PKHD1: variants seen among roughly 807,000 people sequenced by gnomAD.
PKHD1 encodes the protein fibrocystin.
In PKHD1, 291 loss-of-function variants were observed where a neutral mutation model predicts 412.0. The ratio of observed to expected loss-of-function variants is 0.71; its 90% CI spans 0.64 to 0.78. The LOEUF (loss-of-function observed/expected upper bound fraction) is 0.78. Among genes scored for constraint, PKHD1 ranks in the 30% least tolerant of loss-of-function variants. The probability of loss-of-function intolerance (pLI) is 0.00; values close to 1 mark genes in which losing one functional copy is unlikely to be tolerated. For missense variants in PKHD1, 4,825 were observed against 4,950.7 expected, an observed-to-expected ratio of 0.97 and a Z score of 0.76; for synonymous variants, 1,777 against 1,821.5, an observed-to-expected ratio of 0.98 and a Z score of 0.62.
intron 42 of PKHD1, 73 bp downstream of exon 42, chr6:51,903,913 T>G (rs1335021280): frequency 3.0e-6 from 3 of 1,006,266 alleles, no homozygotes; most frequent in Admixed American, 1.9e-5. Flanking sequence ...CATTTTGCCA[T>G]CAGGCTTGTC....
intron 60 of PKHD1, among the ~76,000 whole-genome samples, chr6:51,734,462 C>T (rs1000963000): frequency 6.6e-6 from 1 of 152,152 alleles, no homozygotes; most frequent in African/African-American, 2.4e-5. Context: ...CAAACATTAA[C>T]AAAGCCTATA....
intron 60 of PKHD1, among the ~76,000 whole-genome samples, chr6:51,689,109 G>C (rs571554638): frequency 6.6e-6 from 1 of 152,194 alleles, no homozygotes; most frequent in African/African-American, 2.4e-5. Flanking sequence ...TAAAATACTG[G>C]CAAACCAAAA....
At chr6:52,024,438 T>A (rs966369060) in intron 32 of PKHD1, 136 bp downstream of exon 32, 10 of 820,366 alleles carry the variant, frequency 1.2e-5, no homozygotes, top group Admixed American at 1.8e-5. Context: ...AGGAAGGAAT[T>A]GGGATTGTAA....
chr6:51,853,256 G>A (rs1308663834), intron 49 of PKHD1, among the ~76,000 whole-genome samples: 1 of 152,204 alleles, frequency 6.6e-6, no homozygotes, highest in Non-Finnish European at 1.5e-5. Context: ...CTGGCTTATA[G>A]AGTTTCTCCT....
At chr6:51,704,029 A>C (rs1444609768) in intron 60 of PKHD1, among the ~76,000 whole-genome samples, 1 of 152,018 alleles carries the variant, frequency 6.6e-6, no homozygotes, top group East Asian at 1.9e-4. Flanking sequence ...CCATGCCAAT[A>C]CTGACAGGAG....
intron 66 of PKHD1, among the ~76,000 whole-genome samples, chr6:51,621,421 G>A (rs1321099428): frequency 6.6e-6 from 1 of 152,102 alleles, no homozygotes; most frequent in Admixed American, 6.6e-5. Flanking sequence ...TTAATCCCTT[G>A]GTAAAACCAA....
chr6:52,054,937 C>T (rs528932624), intron 19 of PKHD1, among the ~76,000 whole-genome samples: 25 of 152,318 alleles, frequency 1.6e-4, no homozygotes, highest in East Asian at 9.6e-4. Flanking sequence ...GAAACTACTG[C>T]CATGAGCTCC....
chr6:51,708,516 C>A (rs1344316414), intron 60 of PKHD1, among the ~76,000 whole-genome samples: 1 of 152,120 alleles, frequency 6.6e-6, no homozygotes, highest in Non-Finnish European at 1.5e-5. Flanking sequence ...AGAATCAAGT[C>A]CCAACTCCTT....
chr6:51,906,354 A>G lies in PKHD1; in HGVS notation c.6683-14T>C, dbSNP rs779554646. 7 of 1,607,994 alleles carry G rather than the reference A, an allele frequency of 4.4e-6. No individual in the cohort carries two copies. The South Asian group carries it at 7.7e-5, about 18-fold the overall frequency. ...GTATGAAAGACTCTGAATAGGAAAG[A>G]GTAAAGTAAAAATTAGATATGGCTC... On this transcript the variant is annotated splice_polypyrimidine_tract_variant and intron_variant, in intron 40 of 66. Coordinates refer to ENST00000371117, the MANE Select transcript of PKHD1 (RefSeq NM_138694.4).
intron 14 of PKHD1, among the ~76,000 whole-genome samples, chr6:52,062,197 T>C (rs2128218585): frequency 6.6e-6 from 1 of 152,366 alleles, no homozygotes; most frequent in East Asian, 1.9e-4. Context: ...TTTTACCTCT[T>C]AACCAGGTAC....
intron 60 of PKHD1, among the ~76,000 whole-genome samples, chr6:51,732,387 G>A (rs1783335491): frequency 6.6e-6 from 1 of 152,106 alleles, no homozygotes; most frequent in Admixed American, 6.5e-5. Flanking sequence ...CAAATCATAT[G>A]TCTAGTAAAG....
chr6:51,810,522 A>G (rs1764536073), intron 52 of PKHD1, among the ~76,000 whole-genome samples: 1 of 152,154 alleles, frequency 6.6e-6, no homozygotes, highest in African/African-American at 2.4e-5. Flanking sequence ...TGGGAACCAT[A>G]ATAAGCCTAT....
At chr6:51,742,687 T>C (rs935347481) in intron 60 of PKHD1, among the ~76,000 whole-genome samples, 8 of 151,940 alleles carry the variant, frequency 5.3e-5, no homozygotes, top group Admixed American at 4.6e-4. Flanking sequence ...CAAATACACA[T>C]CAGTGAACAA....
intron 36 of PKHD1, among the ~76,000 whole-genome samples, chr6:51,949,364 G>A (rs1040954846): frequency 2.6e-5 from 4 of 152,180 alleles, no homozygotes; most frequent in African/African-American, 9.7e-5. Context: ...CCTGGGTAAG[G>A]AGAGCTGGCT....
At chr6:52,019,808 C>A (rs1230259353) in intron 33 of PKHD1, among the ~76,000 whole-genome samples, 1 of 152,190 alleles carries the variant, frequency 6.6e-6, no homozygotes, top group East Asian at 1.9e-4. Context: ...TTTCACCTAA[C>A]AGGATGTTTT....
At chr6:51,714,521 T>TATAAGTGG (rs1237601315) in intron 60 of PKHD1, among the ~76,000 whole-genome samples, 1 of 152,204 alleles carries the variant, frequency 6.6e-6, no homozygotes, top group Non-Finnish European at 1.5e-5. Context: ...GCAAGATCAT[T>TATAAGTGG]ATAAGTGGTC....
intron 36 of PKHD1, among the ~76,000 whole-genome samples, chr6:51,956,819 G>A (rs566719183): frequency 6.6e-6 from 1 of 152,022 alleles, no homozygotes; most frequent in Non-Finnish European, 1.5e-5. Flanking sequence ...TACAGGCAAA[G>A]GTCCTGAGGC....
intron 43 of PKHD1, among the ~76,000 whole-genome samples, chr6:51,898,108 G>A (rs1394400142): frequency 6.6e-6 from 1 of 151,530 alleles, no homozygotes; most frequent in Non-Finnish European, 1.5e-5. Flanking sequence ...AGATCAACGA[G>A]ACAGAAAGTC....
intron 1 of PKHD1, among the ~76,000 whole-genome samples, chr6:52,085,555 G>A (rs1460872435): frequency 6.6e-6 from 1 of 152,076 alleles, no homozygotes; most frequent in Non-Finnish European, 1.5e-5. Context: ...TGCTGCTCAG[G>A]AGCCCCTCCT....
Sources: allele counts gnomAD v4.1 joint callset (sites outside exome capture counted in the v4.1 genomes callset), GRCh38; gene constraint gnomAD v4.1.1; transcripts MANE v1.5; gene names NCBI Gene and HGNC (gene_info 2026-07-23, HGNC 2026-07-21).